The following BPTF variants were observed in gnomAD, a reference collection of about 807,000 sequenced individuals.
The protein encoded by BPTF is bromodomain PHD finger transcription factor.
Under a neutral mutation model 292.5 loss-of-function variants are expected in BPTF, and 18 were observed. The observed-to-expected ratio is 0.06, with a 90% CI of 0.04 to 0.09. BPTF has a LOEUF of 0.09. Among genes scored for constraint, BPTF ranks in the 10% least tolerant of loss-of-function variants. The pLI, the probability that BPTF is intolerant of heterozygous loss-of-function variation, is 1.00. For synonymous variants in BPTF, 1,225 were observed against 1,251.9 expected, an observed-to-expected ratio of 0.98 and a Z score of 0.45; for missense variants, 2,726 against 3,498.7, an observed-to-expected ratio of 0.78 and a Z score of 5.57.
rs760097233 is a variant in BPTF at position 67,928,555 on chromosome 17, T to C, written c.5952T>C (p.Phe1984=). ...ATVTFQQNKN[F]HQTFATWVKQ... is the part of the protein sequence containing the mutation. ...TAACATTCCAACAAAACAAGAACTT[T>C]CATCAAACCTTTGCTACATGGGTTA... The change falls in exon 16 of 28, where the codon TTT becomes TTC. Residue 1984 remains phenylalanine (F), a synonymous_variant. Coordinates refer to ENST00000306378, the MANE Select transcript of BPTF (RefSeq NM_182641.4). 3 of 1,614,184 alleles carry C rather than the reference T, an allele frequency of 1.9e-6. No homozygotes were observed. Among genetic ancestry groups the C allele is most frequent in the South Asian group, 2.2e-5 (2 of 91,078 alleles).
intron 1 of BPTF, among the ~76,000 whole-genome samples, chr17:67,849,685 C>A (rs890580572): frequency 3.6e-4 from 55 of 152,024 alleles, no homozygotes; most frequent in Non-Finnish European, 6.0e-4. Flanking sequence ...CACCTGTAAT[C>A]CCATAACTTT....
chr17:67,963,609 T>C, intron 24 of BPTF: 1 of 1,184,382 alleles, frequency 8.4e-7, no homozygotes, highest in Non-Finnish European at 1.1e-6. Context: ...TTTTCTACAT[T>C]TATTATACAC....
Position 67,944,163 on chromosome 17 carries a change from G to T in BPTF, c.6491G>T (p.Gly2164Val). Residue 2164 changes from glycine to valine, a missense_variant, in exon 20 of 28, where the codon GGT becomes GTT. By Grantham distance (109) the Gly-to-Val change is moderately radical (BLOSUM62 -3). Around this residue, in one of 22 missense-constraint regions of BPTF, gnomAD observed 570 missense variants for 633.5 expected, o/e 0.90. Coordinates refer to ENST00000306378, the MANE Select transcript of BPTF (RefSeq NM_182641.4). ...QLTQGHGGNQGLTVVIQGQGQ... is the reference protein window; with the variant it reads ...QLTQGHGGNQVLTVVIQGQGQ... ...TTTTTTCCACAGGGTGGCAATCAAG[G>T]TTTGACAGTAGTAATTCAAGGACAA... is the stretch of plus-strand genomic sequence containing the variant. 6.2e-7 allele frequency: 1 copy of T among 1,614,158 alleles called. No homozygotes were observed. Among genetic ancestry groups the T allele is most frequent in the East Asian group, 2.2e-5 (1 of 44,894 alleles).
chr17:67,969,819 A>G (rs1435621656), intron 26 of BPTF, among the ~76,000 whole-genome samples: 4 of 152,132 alleles, frequency 2.6e-5, no homozygotes, highest in African/African-American at 9.7e-5. Context: ...AAAAATGCTC[A>G]GGAGGCTGAG....
chr17:67,850,382 T>C (rs1368885632), intron 1 of BPTF, among the ~76,000 whole-genome samples: 1 of 152,206 alleles, frequency 6.6e-6, no homozygotes, highest in Non-Finnish European at 1.5e-5. Context: ...GTTTGTTTGT[T>C]TGTTTTCTGA....
In BPTF at chr17:67,946,038, G is replaced by C; in HGVS notation, c.7330G>C (p.Val2444Leu). The C allele has an allele frequency of 6.2e-7, 1 of 1,614,160 alleles. No homozygotes were observed. Among genetic ancestry groups the C allele is most frequent in the Non-Finnish European group, 8.5e-7 (1 of 1,180,022 alleles). ...AVPQLQQQVQ[V>L]LSQIQSQVVA... ...GCCTCAGCTGCAACAACAAGTCCAGGTTCTCTCTCAGATCCAGTCACAGGT... is the reference window on the plus strand; with the variant it reads ...GCCTCAGCTGCAACAACAAGTCCAGCTTCTCTCTCAGATCCAGTCACAGGT... Residue 2444 changes from valine (V) to leucine (L), a missense_variant, in exon 21 of 28, where the codon GTT becomes CTT. By Grantham distance (32) the Val-to-Leu change is conservative. Around this residue, in one of 22 missense-constraint regions of BPTF, gnomAD observed 570 missense variants for 633.5 expected, o/e 0.90. Coordinates refer to ENST00000306378, the MANE Select transcript of BPTF (RefSeq NM_182641.4).
At chr17:67,939,883 AAAAAG>A (rs1319364721) in intron 18 of BPTF, among the ~76,000 whole-genome samples, 3 of 152,222 alleles carry the variant, frequency 2.0e-5, no homozygotes, top group African/African-American at 7.2e-5. Flanking sequence ...CCGTCTCAAA[AAAAAG>A]AAAAGCATTA....
intron 7 of BPTF, among the ~76,000 whole-genome samples, chr17:67,901,406 A>G (rs1463188084): frequency 6.6e-6 from 1 of 152,146 alleles, no homozygotes; most frequent in African/African-American, 2.4e-5. Flanking sequence ...TTAAACAGAT[A>G]AAAAATCCAG....
At chr17:67,909,235 C>T (rs1308732418) in intron 9 of BPTF, among the ~76,000 whole-genome samples, 1 of 149,740 alleles carries the variant, frequency 6.7e-6, no homozygotes, top group African/African-American at 2.5e-5. Flanking sequence ...GTCACCCAGG[C>T]TGGAGTGCAG....
Position 67,944,342 on chromosome 17 carries a change from A to G in BPTF, c.6670A>G (p.Thr2224Ala), listed in dbSNP as rs782283532. The G allele has an allele frequency of 1.2e-6, 2 of 1,613,682 alleles. No homozygotes were observed. Among genetic ancestry groups the G allele is most frequent in the Non-Finnish European group, 1.7e-6 (2 of 1,180,014 alleles). The change falls in exon 20 of 28, where the codon ACC becomes GCC. Residue 2224 changes from threonine (T) to alanine (A), a missense_variant. Around this residue, in one of 22 missense-constraint regions of BPTF, gnomAD observed 570 missense variants for 633.5 expected, o/e 0.90. Transcript: ENST00000306378. The part of the protein sequence containing the change: ...LATTATTAST[T>A]TTTVSTTAAG... Reference sequence around the variant, plus strand: ...AACAACAGCCACCACAGCCAGCACCACCACCACCACTGTTTCCACGACAGC... The same window carrying G: ...AACAACAGCCACCACAGCCAGCACCGCCACCACCACTGTTTCCACGACAGC...
chr17:67,849,540 A>C (rs1318573680), intron 1 of BPTF, among the ~76,000 whole-genome samples: 1 of 152,126 alleles, frequency 6.6e-6, no homozygotes, highest in Non-Finnish European at 1.5e-5. Context: ...ATGTGTATTA[A>C]TTTTTACTTA....
chr17:67,875,248 C>T (rs1173042361), intron 4 of BPTF, among the ~76,000 whole-genome samples: 1 of 152,036 alleles, frequency 6.6e-6, no homozygotes, highest in Non-Finnish European at 1.5e-5. Flanking sequence ...TTATACTTCC[C>T]ATTAAGTTGC....
chr17:67,944,188 A>G lies in BPTF; in HGVS notation c.6516A>G (p.Gln2172=), dbSNP rs1555673256. Residue 2172 remains glutamine, a synonymous_variant, in exon 20 of 28, where the codon CAA becomes CAG. Transcript: ENST00000306378. ...GTTTGACAGTAGTAATTCAAGGACA[A>G]GGTCAAACTACTGGACAGTTGCAGT... The part of the protein sequence containing the change: ...NQGLTVVIQG[Q]GQTTGQLQLI... 1 of 1,614,214 alleles carries G rather than the reference A, an allele frequency of 6.2e-7. No homozygotes were observed. The highest frequency in any genetic ancestry group is 8.5e-7 in the Non-Finnish European group (1 of 1,180,034).
chr17:67,858,978 A>T (rs2058904828), intron 2 of BPTF, among the ~76,000 whole-genome samples: 1 of 152,172 alleles, frequency 6.6e-6, no homozygotes, highest in South Asian at 2.1e-4. Flanking sequence ...AGTTTCAGAG[A>T]CCTGTAAAAT....
At chr17:67,944,441 C>T in intron 20 of BPTF, 69 bp downstream of exon 20, 1 of 1,514,664 alleles carries the variant, frequency 6.6e-7, no homozygotes, top group Non-Finnish European at 9.0e-7. Context: ...CAGAGGCCAA[C>T]AGGAGAACCA....
At chr17:67,926,617 C>T (rs1295162821) in intron 15 of BPTF, among the ~76,000 whole-genome samples, 1 of 152,180 alleles carries the variant, frequency 6.6e-6, no homozygotes, top group Non-Finnish European at 1.5e-5. Flanking sequence ...AGCCACCGCA[C>T]CCAGCCAGTA....
chr17:67,852,593 T>A (rs1283312729), intron 1 of BPTF, among the ~76,000 whole-genome samples: 1 of 152,232 alleles, frequency 6.6e-6, no homozygotes, highest in African/African-American at 2.4e-5. Context: ...ACTACTGAAT[T>A]TGATTCCATT....
At chr17:67,868,973 G>A (rs2059547551) in intron 3 of BPTF, among the ~76,000 whole-genome samples, 1 of 152,134 alleles carries the variant, frequency 6.6e-6, no homozygotes, top group South Asian at 2.1e-4. Context: ...TTAGAAAAAT[G>A]TGTAATTTTT....
chr17:67,838,048 AG>A (rs2057269980), intron 1 of BPTF, among the ~76,000 whole-genome samples: 1 of 152,224 alleles, frequency 6.6e-6, no homozygotes, highest in South Asian at 2.1e-4. Context: ...TCTAATGGTC[AG>A]GGGACTGGCA....
Sources: gnomAD v4.1 joint callset for allele counts (sites outside exome capture counted in the v4.1 genomes callset) on GRCh38, gnomAD v4.1.1 for gene constraint, gnomAD v4.1.1 regional missense constraint, MANE v1.5 for transcripts, NCBI Gene and HGNC (gene_info 2026-07-23, HGNC 2026-07-21) for gene names.